Variants in SCFD1 observed in about 807,000 individuals in gnomAD.
SCFD1 encodes sec1 family domain containing 1.
A neutral mutation model predicts 103.2 loss-of-function variants in SCFD1; 37 were observed. That is an observed-to-expected ratio of 0.36 (90% CI 0.28 to 0.47). The LOEUF (loss-of-function observed/expected upper bound fraction) is 0.47, where lower values mean the gene tolerates loss of function less well. SCFD1 is among the 20% of genes least tolerant of loss of function. SCFD1 has a pLI of 1.00. For missense variants in SCFD1, 639 were observed against 761.2 expected (o/e 0.84, Z 1.89); for synonymous variants, 264 against 245.0 (o/e 1.08, Z -0.73).
intron 14 of SCFD1, chr14:30,683,212 G>A (rs1229382298): frequency 5.3e-6 from 6 of 1,136,678 alleles, no homozygotes; most frequent in Non-Finnish European, 6.3e-6. Flanking sequence ...GAGCAGAATG[G>A]TCCTGATGTC....
intron 15 of SCFD1, among the ~76,000 whole-genome samples, chr14:30,697,465 A>C (rs560153417): frequency 6.6e-6 from 1 of 152,366 alleles, no homozygotes; most frequent in South Asian, 2.1e-4. Context: ...ATGCAGTTTC[A>C]GAATACCTCC....
At chr14:30,626,661 C>A (rs1469469447) in intron 1 of SCFD1, among the ~76,000 whole-genome samples, 1 of 152,172 alleles carries the variant, frequency 6.6e-6, no homozygotes, top group East Asian at 1.9e-4. Context: ...GTTCTCCTGT[C>A]CAGCCCACTG....
intron 10 of SCFD1, among the ~76,000 whole-genome samples, chr14:30,667,357 C>G (rs1396829085): frequency 1.3e-5 from 2 of 152,126 alleles, no homozygotes; most frequent in Non-Finnish European, 2.9e-5. Context: ...ATTCAACAGC[C>G]CTTCATGCTA....
intron 10 of SCFD1, among the ~76,000 whole-genome samples, chr14:30,668,208 C>T (rs2139191598): frequency 6.6e-6 from 1 of 152,038 alleles, no homozygotes; most frequent in East Asian, 1.9e-4. Flanking sequence ...GAGATATAGA[C>T]CAGTGGAACA....
chr14:30,659,766 G>T (rs181589104), intron 10 of SCFD1, among the ~76,000 whole-genome samples: 17 of 144,996 alleles, frequency 1.2e-4, no homozygotes, highest in African/African-American at 3.7e-4. Flanking sequence ...AAATAATAAA[G>T]ATTTTTTTTT....
chr14:30,735,544 C>CT, intron 24 of SCFD1, 42 bp from the exon 25 acceptor site: 2 of 1,403,048 alleles, frequency 1.4e-6, no homozygotes, highest in East Asian at 2.3e-5. Flanking sequence ...CTTTTATGAT[C>CT]TTTTTTAAAA....
At chr14:30,727,941 A>G (rs1002997443) in intron 23 of SCFD1, among the ~76,000 whole-genome samples, 2 of 152,228 alleles carry the variant, frequency 1.3e-5, no homozygotes, top group African/African-American at 4.8e-5. Context: ...GTGAAAATAA[A>G]AACAGTCCAT....
Position 30,639,874 on chromosome 14 carries a change from A to T in SCFD1, c.523+10A>T. The T allele has an allele frequency of 2.5e-6, 4 of 1,574,596 alleles. No homozygotes were observed. Among genetic ancestry groups the T allele is most frequent in the Non-Finnish European group, 2.6e-6 (3 of 1,161,466 alleles). ...CTTGTTTCATATCGTGGTATGTAAA[A>T]ATAGAAATGTTGCAATTCTTTGTTA... On this transcript the variant is annotated intron_variant, in intron 6 of 24. Transcript: ENST00000458591.
Position 30,658,794 on chromosome 14 carries a change from A to G in SCFD1, c.855+5206A>G, listed in dbSNP as rs531769081. On this transcript the variant is annotated intron_variant, in intron 10 of 24. Coordinates refer to ENST00000458591, the MANE Select transcript of SCFD1 (RefSeq NM_016106.4). ...ATTGCAATGTAACAGGTGCCTAGAT[A>G]TAGTTCAAGATTGATGCTTTGGGTC... is the stretch of plus-strand genomic sequence containing the variant. Among the ~76,000 whole-genome samples the G allele has an allele frequency of 1.1e-4, 17 of 152,338 alleles. No individual in the cohort carries two copies. In the South Asian group the frequency reaches 3.5e-3, roughly 32 times the overall value.
chr14:30,705,424 G>A (rs921558650), intron 17 of SCFD1, among the ~76,000 whole-genome samples: 1 of 152,128 alleles, frequency 6.6e-6, no homozygotes, highest in African/African-American at 2.4e-5. Flanking sequence ...TAAATGATCA[G>A]ATAGAAATGA....
chr14:30,635,259 T>C (rs938497452), intron 4 of SCFD1, among the ~76,000 whole-genome samples: 12 of 152,182 alleles, frequency 7.9e-5, no homozygotes, highest in African/African-American at 2.9e-4. Context: ...TTTATTGAAA[T>C]TATAATTTAC....
intron 16 of SCFD1, among the ~76,000 whole-genome samples, chr14:30,700,589 G>A (rs560152250): frequency 1.3e-3 from 202 of 152,224 alleles, no homozygotes; most frequent in Non-Finnish European, 2.2e-3. Context: ...CAGGAGAATC[G>A]CTTGAACCTG....
At position 30,653,555 on chromosome 14, in the gene SCFD1, T is replaced by G; in HGVS notation, c.822T>G (p.Thr274=). 6.2e-7 allele frequency: 1 copy of G among 1,613,420 alleles called. No individual in the cohort carries two copies. Among genetic ancestry groups the G allele is most frequent in the Non-Finnish European group, 8.5e-7 (1 of 1,179,456 alleles). The stretch of plus-strand genomic sequence containing the variant: ...ATTTGGCAACTCCTTTACATCATAC[T>G]TGGACATATCAAGCATTGGTGCACG... The part of the protein sequence containing the change: ...NIDLATPLHH[T]WTYQALVHDV... Residue 274 remains threonine (T), a synonymous_variant, in exon 10 of 25, where the codon ACT becomes ACG. Transcript: ENST00000458591.
At chr14:30,723,463 G>C (rs1030809235) in intron 23 of SCFD1, among the ~76,000 whole-genome samples, 1 of 152,064 alleles carries the variant, frequency 6.6e-6, no homozygotes, top group Non-Finnish European at 1.5e-5. Flanking sequence ...AGGTAAACTC[G>C]TGTCATGGGG....
At chr14:30,631,615 A>G (rs562213818) in intron 3 of SCFD1, among the ~76,000 whole-genome samples, 3 of 152,338 alleles carry the variant, frequency 2.0e-5, no homozygotes, top group African/African-American at 7.2e-5. Context: ...TTAAGTGACT[A>G]TGAAGTAATG....
intron 7 of SCFD1, among the ~76,000 whole-genome samples, chr14:30,647,436 C>T (rs1328887942): frequency 1.3e-5 from 2 of 151,604 alleles, no homozygotes; most frequent in East Asian, 1.9e-4. Context: ...CTGTTTTCTG[C>T]TTGAGTTCTT....
rs201399238 is a variant in SCFD1, at chr14:30,701,591, C to CTATATAT, written c.1411-704_1411-698dup. On this transcript the variant is annotated intron_variant, in intron 16 of 24. Transcript: ENST00000458591. ...ATCTCTCTCATCAACAGGGGTTTAC[C>CTATATAT]TATATATCTCAGGGTATTCTAATAG... Among the ~76,000 whole-genome samples the CTATATAT allele has an allele frequency of 9.9e-4, 150 of 152,084 alleles. 3 individuals are homozygous for CTATATAT. In the East Asian group the frequency reaches 0.026, roughly 27 times the overall value.
rs140406697 is a variant in SCFD1 at position 30,642,757 on chromosome 14, C to T, written c.524-559C>T. Among the ~76,000 whole-genome samples the T allele has an allele frequency of 3.7e-3, 561 of 152,038 alleles. 7 individuals are homozygous for T. The highest frequency in any genetic ancestry group is 0.013 in the African/African-American group (530 of 41,462). ...TGTCAAAAATTTTGTAAGTTTACAT[C>T]GTGGGGTTGTTTTTCTTAGTAGTAG... On this transcript the variant is annotated intron_variant, in intron 6 of 24. Coordinates refer to ENST00000458591, the MANE Select transcript of SCFD1 (RefSeq NM_016106.4).
chr14:30,720,948 A>G (rs1335726805), intron 21 of SCFD1, among the ~76,000 whole-genome samples: 3 of 152,164 alleles, frequency 2.0e-5, no homozygotes, highest in South Asian at 2.1e-4. Context: ...TAGCATTGAT[A>G]AGACAGATAA....
Sources: gnomAD v4.1 joint callset for allele counts (sites outside exome capture counted in the v4.1 genomes callset) on GRCh38, gnomAD v4.1.1 for gene constraint, MANE v1.5 for transcripts, NCBI Gene and HGNC (gene_info 2026-07-23, HGNC 2026-07-21) for gene names.